LRRK2: variants seen among roughly 807,000 people sequenced by gnomAD.
LRRK2 encodes the protein leucine rich repeat kinase 2, also known as leucine-rich repeat serine/threonine-protein kinase 2.
A neutral mutation model predicts 302.6 loss-of-function variants in LRRK2; 203 were observed. The observed-to-expected ratio is 0.67, with a 90% confidence interval of 0.60 to 0.75. The LOEUF is 0.75. LRRK2 is among the 30% of genes least tolerant of loss of function. The pLI is 0.00. For synonymous variants in LRRK2, 1,066 were observed against 1,031.9 expected (o/e 1.03, Z -0.63); for missense variants, 2,830 against 2,951.0 (o/e 0.96, Z 0.95).
rs1422277759 is a variant in LRRK2, at chr12:40,319,007, G to A, written c.4828-981G>A. On this transcript the variant is annotated intron_variant, in intron 33 of 50. Coordinates refer to ENST00000298910, the MANE Select transcript of LRRK2 (RefSeq NM_198578.4). The stretch of plus-strand genomic sequence containing the variant: ...GGGTAAGACAAGTCCTTGGGCCTAA[G>A]GACTTTATAACCTGGTATTTCACTC... 4.6e-5 allele frequency among the ~76,000 whole-genome samples: 7 copies of A among 152,028 alleles called. No individual in the cohort carries two copies. In the East Asian group the frequency reaches 1.3e-3, roughly 29 times the overall value.
rs769900260 is a variant in LRRK2 at position 40,293,591 on chromosome 12, T to C, written c.2736T>C (p.Ser912=). ...TGAAAAAGAAATCTAATTCAATTAG[T>C]GTAGGAGAATTTTACCGAGATGCCG... The part of the protein sequence containing the change: ...FLVKKKSNSI[S]VGEFYRDAVL... Residue 912 remains serine (S), a synonymous_variant, in exon 21 of 51, where the codon AGT becomes AGC. Coordinates refer to ENST00000298910, the MANE Select transcript of LRRK2 (RefSeq NM_198578.4). The C allele has an allele frequency of 4.3e-6, 7 of 1,611,550 alleles. No individual in the cohort carries two copies. Among genetic ancestry groups the C allele is most frequent in the Non-Finnish European group, 5.1e-6 (6 of 1,178,334 alleles).
intron 11 of LRRK2, among the ~76,000 whole-genome samples, chr12:40,256,682 T>C (rs1157811659): frequency 1.3e-5 from 2 of 152,198 alleles, no homozygotes; most frequent in Admixed American, 1.3e-4. Context: ...TCCACTGGGA[T>C]AAATGGACAA....
At chr12:40,354,555 A>C (rs1565776189) in intron 45 of LRRK2, 63 bp downstream of exon 45, 2 of 1,404,082 alleles carry the variant, frequency 1.4e-6, no homozygotes, top group Non-Finnish European at 2.0e-6. Context: ...AATTGTGTGC[A>C]TAATTGTTAT....
chr12:40,352,365 G>A (rs1345309159), intron 44 of LRRK2, among the ~76,000 whole-genome samples: 1 of 151,910 alleles, frequency 6.6e-6, no homozygotes, highest in Non-Finnish European at 1.5e-5. Context: ...ACATTGTGTT[G>A]GCAAATATAA....
chr12:40,287,516 A>G lies in LRRK2; in HGVS notation c.2666A>G (p.Gln889Arg). The G allele has an allele frequency of 6.2e-7, 1 of 1,612,554 alleles. No individual in the cohort carries two copies. Among genetic ancestry groups the G allele is most frequent in the African/African-American group, 1.3e-5 (1 of 74,912 alleles). Residue 889 changes from glutamine (Q) to arginine (R), a missense_variant, in exon 20 of 51, where the codon CAA becomes CGA. Around this residue, in one of 3 missense-constraint regions of LRRK2, gnomAD observed 2,121 missense variants for 2,148.0 expected, o/e 0.99. Transcript: ENST00000298910. The stretch of plus-strand genomic sequence containing the variant: ...TCTTCTATGGACAGTGTGTTTGCTC[A>G]AAGTGATGACCTGGATAGTGAAGGT... ...PDSSMDSVFA[Q>R]SDDLDSEGSE...
At chr12:40,345,912 TTCTG>T (rs755310991) in intron 41 of LRRK2, among the ~76,000 whole-genome samples, 25 of 152,184 alleles carry the variant, frequency 1.6e-4, no homozygotes, top group Non-Finnish European at 3.7e-4. Flanking sequence ...TTTGATAACT[TTCTG>T]TCTATCCACG....
intron 11 of LRRK2, among the ~76,000 whole-genome samples, chr12:40,256,077 C>T (rs758692515): frequency 2.0e-5 from 3 of 152,232 alleles, no homozygotes; most frequent in Middle Eastern, 3.4e-3. Flanking sequence ...ATTTTTATAG[C>T]GGCTTCAAGA....
At chr12:40,298,740 C>G (rs1015610873) in intron 24 of LRRK2, among the ~76,000 whole-genome samples, 1 of 131,264 alleles carries the variant, frequency 7.6e-6, no homozygotes, top group Non-Finnish European at 1.6e-5. Context: ...CCATTGCACT[C>G]CAGCCTGGGT....
intron 7 of LRRK2, among the ~76,000 whole-genome samples, chr12:40,245,409 T>G (rs1024953168): frequency 6.6e-6 from 1 of 152,154 alleles, no homozygotes; most frequent in Non-Finnish European, 1.5e-5. Context: ...CTGAATCAGA[T>G]TTAAATCTGA....
chr12:40,332,924 A>T (rs202046618), intron 39 of LRRK2, among the ~76,000 whole-genome samples: 13 of 149,534 alleles, frequency 8.7e-5, no homozygotes, highest in South Asian at 8.5e-4. Context: ...GGAAGAAATT[A>T]AAAAAAAAGG....
rs747236369 is a variant in LRRK2 at position 40,298,227 on chromosome 12, A to C, written c.3097-16A>C. ...CAGATGGTTCACTTTAGAATTTTAA[A>C]CTATTGTCTTTTCAGACTCTGAAGA... On this transcript the variant is annotated splice_polypyrimidine_tract_variant and intron_variant, in intron 23 of 50. Transcript: ENST00000298910. 2 of 1,611,886 alleles carry C rather than the reference A, an allele frequency of 1.2e-6. No homozygotes were observed. The highest frequency in any genetic ancestry group is 8.5e-7 in the Non-Finnish European group (1 of 1,179,664).
Position 40,251,335 on chromosome 12 carries a change from C to T in LRRK2, c.1062C>T (p.Tyr354=). 6.2e-7 allele frequency: 1 copy of T among 1,613,832 alleles called. No homozygotes were observed. Among genetic ancestry groups the T allele is most frequent in the Non-Finnish European group, 8.5e-7 (1 of 1,179,848 alleles). The part of the protein sequence containing the change: ...EDKLFWLEAC[Y]KALTWHRKNK... Reference sequence around the variant, plus strand: ...AATTGTTTTGGCTGGAAGCCTGTTACAAAGCATTAACGTGGCATAGAAAGA... The same window carrying T: ...AATTGTTTTGGCTGGAAGCCTGTTATAAAGCATTAACGTGGCATAGAAAGA... Residue 354 remains tyrosine (Y), a synonymous_variant, in exon 9 of 51, where the codon TAC becomes TAT. Transcript: ENST00000298910.
chr12:40,364,788 G>T, intron 48 of LRRK2, 54 bp from the exon 49 acceptor site: 1 of 1,268,608 alleles, frequency 7.9e-7, no homozygotes, highest in East Asian at 2.4e-5. Flanking sequence ...TATGTAAATA[G>T]CATTTATCTC....
chr12:40,251,626 T>G (rs1942279407), intron 10 of LRRK2, 82 bp downstream of exon 10: 1 of 1,208,552 alleles, frequency 8.3e-7, no homozygotes, highest in Admixed American at 2.1e-5. Flanking sequence ...ACCGTAACTT[T>G]TATTGTTAGA....
At chr12:40,261,869 A>T (rs1034891359) in intron 13 of LRRK2, among the ~76,000 whole-genome samples, 4 of 152,176 alleles carry the variant, frequency 2.6e-5, no homozygotes, top group Non-Finnish European at 5.9e-5. Flanking sequence ...TAGTGCATAT[A>T]TCTTAAGTTT....
intron 7 of LRRK2, among the ~76,000 whole-genome samples, chr12:40,245,053 A>C (rs1941918690): frequency 6.7e-6 from 1 of 150,312 alleles, no homozygotes; most frequent in Non-Finnish European, 1.5e-5. Context: ...ATGTCTTTTC[A>C]CCGTCTTTAT....
At chr12:40,235,788 TG>T in intron 4 of LRRK2, 74 bp downstream of exon 4, 5 of 649,106 alleles carry the variant, frequency 7.7e-6, no homozygotes. Context: ...AATGTGTGTG[TG>T]TGTGTTTTTT....
chr12:40,365,165 G>A (rs775922352), intron 49 of LRRK2, 115 bp downstream of exon 49: 17 of 936,272 alleles, frequency 1.8e-5, no homozygotes, highest in South Asian at 1.7e-4. Flanking sequence ...GGTCTTGGAG[G>A]GTCACACAGT....
chr12:40,255,268 T>C (rs971967372), intron 11 of LRRK2, among the ~76,000 whole-genome samples: 3 of 152,106 alleles, frequency 2.0e-5, no homozygotes, highest in Non-Finnish European at 4.4e-5. Flanking sequence ...TATGATATGT[T>C]AGACATCAGA....
Sources: allele counts gnomAD v4.1 joint callset (sites outside exome capture counted in the v4.1 genomes callset), GRCh38; gene constraint gnomAD v4.1.1; regional missense constraint gnomAD v4.1.1; transcripts MANE v1.5; gene names NCBI Gene and HGNC (gene_info 2026-07-23, HGNC 2026-07-21).